The following SNX29 variants were observed in gnomAD, a reference collection of about 807,000 sequenced individuals.
SNX29 encodes the protein sorting nexin 29, also known as sorting nexin-29.
SNX29 carries 78 observed loss-of-function variants against 102.1 expected under a neutral mutation model. The ratio of observed to expected loss-of-function variants is 0.76; its 90% CI spans 0.64 to 0.92. The LOEUF (loss-of-function observed/expected upper bound fraction) is 0.92. Ranked by LOEUF, SNX29 falls within the 40% of genes least tolerant of loss-of-function variation. The pLI is 0.00. For missense variants in SNX29, 1,280 were observed against 1,061.7 expected (o/e 1.21, Z -2.86); for synonymous variants, 580 against 414.5 (o/e 1.40, Z -4.85).
At chr16:12,332,404 G>A (rs1192657937) in intron 15 of SNX29, among the ~76,000 whole-genome samples, 2 of 152,190 alleles carry the variant, frequency 1.3e-5, no homozygotes, top group Non-Finnish European at 2.9e-5. Context: ...TTGCTCATTT[G>A]CTAGTCGTGC....
intron 1 of SNX29, among the ~76,000 whole-genome samples, chr16:11,988,967 T>G (rs926889952): frequency 6.6e-6 from 1 of 151,820 alleles, no homozygotes; most frequent in Non-Finnish European, 1.5e-5. Flanking sequence ...TGCCAATCCC[T>G]GCTCTAGAGT....
intron 19 of SNX29, among the ~76,000 whole-genome samples, chr16:12,482,863 C>T (rs376607727): frequency 4.0e-4 from 61 of 152,238 alleles, no homozygotes; most frequent in African/African-American, 1.4e-3. Context: ...ACAAAATTAG[C>T]ATGTTGTATA....
chr16:12,073,763 T>G (rs1233870160), intron 10 of SNX29, among the ~76,000 whole-genome samples: 1 of 152,150 alleles, frequency 6.6e-6, no homozygotes, highest in Non-Finnish European at 1.5e-5. Context: ...ATGTTGACAG[T>G]GGGGTGTTAA....
At chr16:12,470,895 C>G (rs183710539) in intron 18 of SNX29, among the ~76,000 whole-genome samples, 2 of 152,182 alleles carry the variant, frequency 1.3e-5, no homozygotes, top group East Asian at 3.9e-4. Context: ...GGGCGAGGCA[C>G]GACACCTCAC....
chr16:12,571,683 T>C lies in SNX29; in HGVS notation c.*3054T>C. On this transcript the variant is annotated 3_prime_UTR_variant, in exon 21 of 21. Coordinates refer to ENST00000566228, the MANE Select transcript of SNX29 (RefSeq NM_032167.5). ...CGGTAGGGCTGGGCAGAGGTGTCTC[T>C]CCTTGAGAGACAACAAAAGCTTCTA... 9.4e-7 allele frequency: 1 copy of C among 1,059,530 alleles called. No individual in the cohort carries two copies. Among genetic ancestry groups the C allele is most frequent in the Non-Finnish European group, 1.1e-6 (1 of 876,220 alleles). 65.6% of individuals were successfully genotyped at this position (1,059,530 alleles called of 1,614,324 possible). A position where few individuals can be genotyped will look rare whatever the true frequency, so the allele number is the denominator to read the frequency against.
At position 12,290,246 on chromosome 16, in the gene SNX29, C is replaced by T. The variant is rs1192771834; in HGVS notation, c.1782+12210C>T. Among the ~76,000 whole-genome samples, 3 of 152,326 alleles carry T rather than the reference C, an allele frequency of 2.0e-5. No individual in the cohort carries two copies. In the South Asian group the frequency reaches 6.2e-4, roughly 32 times the overall value. ...CTCTTCAGTCATGCTTCTTACCTTG[C>T]TCTGAGCATGTTTTCCTTTCTCAAA... On this transcript the variant is annotated intron_variant, in intron 15 of 20. Coordinates refer to ENST00000566228, the MANE Select transcript of SNX29 (RefSeq NM_032167.5).
intron 14 of SNX29, among the ~76,000 whole-genome samples, chr16:12,254,603 T>G (rs953853190): frequency 1.3e-5 from 2 of 151,530 alleles, no homozygotes; most frequent in African/African-American, 4.9e-5. Context: ...ATTGCGCCAC[T>G]GTATTCCAGC....
chr16:12,430,715 T>C (rs73517998), intron 18 of SNX29, among the ~76,000 whole-genome samples: 10,695 of 152,310 alleles, frequency 0.07, 914 homozygotes, highest in African/African-American at 0.2. Flanking sequence ...TTACTTTTGT[T>C]GTCCTCATTG....
chr16:12,528,318 C>T (rs1376026507), intron 20 of SNX29, among the ~76,000 whole-genome samples: 1 of 152,130 alleles, frequency 6.6e-6, no homozygotes, highest in Non-Finnish European at 1.5e-5. Context: ...CCGCCTCAGC[C>T]TCTGAGTAGC....
chr16:12,379,796 G>C (rs1271021113), intron 16 of SNX29, among the ~76,000 whole-genome samples: 3 of 152,166 alleles, frequency 2.0e-5, no homozygotes, highest in African/African-American at 7.2e-5. Context: ...GAGGGTTTTG[G>C]TGATTGGCTT....
rs1052285324 is a variant in SNX29 at position 12,277,802 on chromosome 16, G to C, written c.1679-131G>C. 4.3e-5 allele frequency: 29 copies of C among 678,468 alleles called. No individual in the cohort carries two copies. The Admixed American group carries it at 6.7e-4, about 16-fold the overall frequency. 42.0% of individuals were successfully genotyped at this position (678,468 alleles called of 1,614,324 possible). ...CATTGTTGAAGTAGTTAGTAAGTGT[G>C]TGTGTGTGTTTTTCTTGAGAGCTTT... On this transcript the variant is annotated intron_variant, in intron 14 of 20. Transcript: ENST00000566228.
chr16:12,396,459 T>C (rs1315758198), intron 16 of SNX29, among the ~76,000 whole-genome samples: 1 of 152,112 alleles, frequency 6.6e-6, no homozygotes, highest in African/African-American at 2.4e-5. Flanking sequence ...CCTGATGGCT[T>C]GTGAGTCCCC....
chr16:12,369,453 TATG>T (rs1567488910), intron 16 of SNX29, among the ~76,000 whole-genome samples: 1 of 152,156 alleles, frequency 6.6e-6, no homozygotes, highest in African/African-American at 2.4e-5. Context: ...CATATCTTAA[TATG>T]ATGTCATGAG....
intron 3 of SNX29, among the ~76,000 whole-genome samples, chr16:12,011,667 T>A (rs1409384036): frequency 2.0e-5 from 3 of 152,128 alleles, no homozygotes; most frequent in Non-Finnish European, 4.4e-5. Context: ...TAATAAACAT[T>A]ATGTTAGCAC....
intron 10 of SNX29, among the ~76,000 whole-genome samples, chr16:12,071,027 T>C (rs1311243851): frequency 6.6e-6 from 1 of 152,026 alleles, no homozygotes; most frequent in East Asian, 1.9e-4. Context: ...GTTGTTTTTT[T>C]CTTGTAAATT....
chr16:12,160,219 C>T (rs1486868351), intron 13 of SNX29, among the ~76,000 whole-genome samples: 1 of 152,182 alleles, frequency 6.6e-6, no homozygotes, highest in African/African-American at 2.4e-5. Context: ...CCACGAACTG[C>T]CTCCACTCCA....
intron 19 of SNX29, among the ~76,000 whole-genome samples, chr16:12,509,645 G>C (rs903258993): frequency 5.9e-5 from 9 of 152,208 alleles, no homozygotes; most frequent in South Asian, 2.1e-4. Context: ...GAAACCAAGG[G>C]TAGTGGCTTA....
intron 18 of SNX29, among the ~76,000 whole-genome samples, chr16:12,472,024 C>G (rs1478099456): frequency 1.3e-5 from 2 of 152,242 alleles, no homozygotes; most frequent in Non-Finnish European, 2.9e-5. Flanking sequence ...ATGAAAGTCT[C>G]AACTTGAAAC....
At chr16:12,088,491 A>C (rs1567196064) in intron 11 of SNX29, among the ~76,000 whole-genome samples, 1 of 152,294 alleles carries the variant, frequency 6.6e-6, no homozygotes, top group Non-Finnish European at 1.5e-5. Context: ...GGCTTGGCTC[A>C]GGGAGCGTAA....
Sources: gnomAD v4.1 joint callset for allele counts (sites outside exome capture counted in the v4.1 genomes callset) on GRCh38, gnomAD v4.1.1 for gene constraint, MANE v1.5 for transcripts, NCBI Gene and HGNC (gene_info 2026-07-23, HGNC 2026-07-21) for gene names.